The following GRIK1 variants were observed in gnomAD, a reference collection of about 807,000 sequenced individuals.
The protein encoded by GRIK1 is glutamate ionotropic receptor kainate type subunit 1, also known as glutamate receptor ionotropic, kainate 1.
In GRIK1, 69 loss-of-function variants were observed where a neutral mutation model predicts 105.7. The ratio of observed to expected loss-of-function variants is 0.65; its 90% CI spans 0.54 to 0.80. The LOEUF is 0.80. Ranked by LOEUF, GRIK1 falls within the 30% of genes least tolerant of loss-of-function variation. The probability of loss-of-function intolerance (pLI) is 0.00; values close to 1 mark genes in which losing one functional copy is unlikely to be tolerated. For synonymous variants in GRIK1, 438 were observed against 431.3 expected, an observed-to-expected ratio of 1.02 and a Z score of -0.19; for missense variants, 1,109 against 1,167.3, an observed-to-expected ratio of 0.95 and a Z score of 0.73.
intron 16 of GRIK1, among the ~76,000 whole-genome samples, chr21:29,551,554 A>G (rs961257958): frequency 6.6e-6 from 1 of 152,196 alleles, no homozygotes; most frequent in Non-Finnish European, 1.5e-5. Context: ...AATGTAATGT[A>G]TGTGAAAACA....
At chr21:29,601,399 T>G (rs1173078825) in intron 7 of GRIK1, among the ~76,000 whole-genome samples, 1 of 152,196 alleles carries the variant, frequency 6.6e-6, no homozygotes, top group Non-Finnish European at 1.5e-5. Context: ...GGTGTGCCAA[T>G]TTCTCATAGT....
intron 1 of GRIK1, among the ~76,000 whole-genome samples, chr21:29,802,667 C>T (rs1018759272): frequency 2.0e-5 from 3 of 152,162 alleles, no homozygotes; most frequent in African/African-American, 7.2e-5. Context: ...AATGCAATTT[C>T]AAGCCTCCAT....
chr21:29,582,602 G>C (rs1231976420), intron 12 of GRIK1, among the ~76,000 whole-genome samples: 1 of 151,980 alleles, frequency 6.6e-6, no homozygotes, highest in Non-Finnish European at 1.5e-5. Flanking sequence ...ATTTTTTTAA[G>C]CATCTGTCTG....
intron 14 of GRIK1, among the ~76,000 whole-genome samples, chr21:29,567,455 G>T (rs767191802): frequency 6.6e-6 from 1 of 151,920 alleles, no homozygotes; most frequent in Non-Finnish European, 1.5e-5. Context: ...CACTAATATG[G>T]CTGATGATTT....
At chr21:29,785,272 C>A (rs759882760) in intron 1 of GRIK1, among the ~76,000 whole-genome samples, 2 of 152,074 alleles carry the variant, frequency 1.3e-5, no homozygotes, top group African/African-American at 2.4e-5. Context: ...CTTTTAAAAA[C>A]GCTACTTCAG....
At chr21:29,894,992 T>C (rs1190083154) in intron 1 of GRIK1, among the ~76,000 whole-genome samples, 1 of 152,206 alleles carries the variant, frequency 6.6e-6, no homozygotes, top group Admixed American at 6.5e-5. Context: ...TGGAAAAGAC[T>C]GCAAGCAAAT....
At chr21:29,920,046 G>T (rs759706370) in intron 1 of GRIK1, among the ~76,000 whole-genome samples, 1 of 152,100 alleles carries the variant, frequency 6.6e-6, no homozygotes. Context: ...AATAGAAGAA[G>T]AATCAATGAA....
chr21:29,576,864 C>A, intron 14 of GRIK1, 100 bp downstream of exon 14: 1 of 700,464 alleles, frequency 1.4e-6, no homozygotes, highest in South Asian at 2.1e-5. Context: ...TACCCAACAT[C>A]TTTTTTTCTT....
At chr21:29,608,450 G>A (rs533024844) in intron 7 of GRIK1, among the ~76,000 whole-genome samples, 1 of 152,188 alleles carries the variant, frequency 6.6e-6, no homozygotes, top group African/African-American at 2.4e-5. Context: ...AAATTTTGGC[G>A]AAGTTTACCC....
At chr21:29,830,683 T>A (rs933572842) in intron 1 of GRIK1, among the ~76,000 whole-genome samples, 1 of 152,134 alleles carries the variant, frequency 6.6e-6, no homozygotes, top group African/African-American at 2.4e-5. Context: ...ACATAATAAG[T>A]GCAAGGTAAA....
intron 7 of GRIK1, among the ~76,000 whole-genome samples, chr21:29,622,667 G>T (rs1485751205): frequency 6.6e-6 from 1 of 152,154 alleles, no homozygotes; most frequent in Non-Finnish European, 1.5e-5. Context: ...GAAAATTTAT[G>T]TTCTAAAGGT....
At chr21:29,903,274 T>A (rs991706015) in intron 1 of GRIK1, among the ~76,000 whole-genome samples, 6 of 152,100 alleles carry the variant, frequency 3.9e-5, no homozygotes, top group Admixed American at 6.5e-5. Flanking sequence ...AAGCCAAAAT[T>A]GACAAATGGG....
At chr21:29,791,633 A>C (rs1406498361) in intron 1 of GRIK1, among the ~76,000 whole-genome samples, 1 of 152,172 alleles carries the variant, frequency 6.6e-6, no homozygotes, top group Non-Finnish European at 1.5e-5. Flanking sequence ...CTTGGCAAAG[A>C]AGGAAAATTT....
intron 7 of GRIK1, among the ~76,000 whole-genome samples, chr21:29,633,696 G>A (rs898553831): frequency 2.0e-5 from 3 of 152,006 alleles, no homozygotes; most frequent in Non-Finnish European, 4.4e-5. Flanking sequence ...AGTTGTACAG[G>A]GAATTGAGGG....
intron 1 of GRIK1, among the ~76,000 whole-genome samples, chr21:29,759,511 G>T (rs754736733): frequency 6.6e-6 from 1 of 152,144 alleles, no homozygotes; most frequent in Non-Finnish European, 1.5e-5. Flanking sequence ...ATAGTGCCTG[G>T]CACAGCAGTA....
chr21:29,629,585 G>A (rs1454139049), intron 7 of GRIK1, among the ~76,000 whole-genome samples: 4 of 151,842 alleles, frequency 2.6e-5, no homozygotes, highest in South Asian at 4.2e-4. Context: ...CGCCTCCCAG[G>A]TTCAAGCGAT....
chr21:29,771,713 A>G (rs2065817979), intron 1 of GRIK1, among the ~76,000 whole-genome samples: 1 of 152,198 alleles, frequency 6.6e-6, no homozygotes, highest in African/African-American at 2.4e-5. Flanking sequence ...TGAGTAAGTG[A>G]CATTCCCTTG....
chr21:29,807,131 A>C (rs1381326665), intron 1 of GRIK1, among the ~76,000 whole-genome samples: 1 of 152,174 alleles, frequency 6.6e-6, no homozygotes, highest in Non-Finnish European at 1.5e-5. Flanking sequence ...ATGATGTCTT[A>C]AGTCTGTCTC....
chr21:29,788,150 G>A (rs1036130036), intron 1 of GRIK1, among the ~76,000 whole-genome samples: 8 of 152,128 alleles, frequency 5.3e-5, no homozygotes, highest in Admixed American at 1.3e-4. Context: ...TTCAATGAAC[G>A]GTGAAAGATG....
Sources: allele counts gnomAD v4.1 joint callset (sites outside exome capture counted in the v4.1 genomes callset), GRCh38; gene constraint gnomAD v4.1.1; transcripts MANE v1.5; gene names NCBI Gene and HGNC (gene_info 2026-07-23, HGNC 2026-07-21).